The following KLF12 variants were observed in gnomAD, a reference collection of about 807,000 sequenced individuals.
KLF12 encodes Krueppel-like factor 12.
A neutral mutation model predicts 37.8 loss-of-function variants in KLF12; 9 were observed. The observed-to-expected ratio is 0.24, with a 90% CI of 0.14 to 0.42. The LOEUF (loss-of-function observed/expected upper bound fraction) is 0.42, where lower values mean the gene tolerates loss of function less well. KLF12 is among the 10% of genes least tolerant of loss of function. The pLI, the probability that KLF12 is intolerant of heterozygous loss-of-function variation, is 1.00. For synonymous variants in KLF12, 208 were observed against 202.1 expected (o/e 1.03, Z -0.25); for missense variants, 411 against 516.0 (o/e 0.80, Z 1.97).
the KLF12 span, chr13:74,258,154 ACTGTGTTT>A: frequency 7.8e-6 from 1 of 127,588 alleles, no homozygotes; most frequent in Non-Finnish European, 1.7e-5. Flanking sequence ...TTGGTCTATT[ACTGTGTTT>A]GTGTGTGTGT....
chr13:73,996,759 C>T (rs939452302), intron 1 of KLF12, among the ~76,000 whole-genome samples: 1 of 152,138 alleles, frequency 6.6e-6, no homozygotes, highest in Non-Finnish European at 1.5e-5. Flanking sequence ...ACACAAAGAG[C>T]CTCCAATCAG....
intron 3 of KLF12, among the ~76,000 whole-genome samples, chr13:73,855,436 G>C (rs1407108658): frequency 6.6e-6 from 1 of 152,180 alleles, no homozygotes; most frequent in Non-Finnish European, 1.5e-5. Flanking sequence ...TTGTGTGTGT[G>C]TGTGGCTGCA....
At chr13:73,858,780 G>T (rs2138782816) in intron 3 of KLF12, among the ~76,000 whole-genome samples, 1 of 152,228 alleles carries the variant, frequency 6.6e-6, no homozygotes, top group South Asian at 2.1e-4. Flanking sequence ...GAAAAGTAAT[G>T]GGGAAAGTTT....
chr13:74,156,394 A>G, the KLF12 span, among the ~76,000 whole-genome samples: 2 of 152,164 alleles, frequency 1.3e-5, no homozygotes, highest in Non-Finnish European at 2.9e-5. Flanking sequence ...AGTTTATGGT[A>G]TAAAATGTAG....
At chr13:74,198,756 G>T in the KLF12 span, among the ~76,000 whole-genome samples, 1 of 152,166 alleles carries the variant, frequency 6.6e-6, no homozygotes, top group Non-Finnish European at 1.5e-5. Flanking sequence ...CTTACAAGTG[G>T]CTGAGAGAGG....
the KLF12 span, among the ~76,000 whole-genome samples, chr13:74,189,985 A>G: frequency 6.6e-6 from 1 of 152,198 alleles, no homozygotes; most frequent in African/African-American, 2.4e-5. Context: ...ACGTTATTTA[A>G]CTACTACAAT....
rs191371861 is a variant in KLF12, at chr13:73,693,409, G to A, written c.*2081C>T. On this transcript the variant is annotated 3_prime_UTR_variant, in exon 8 of 8. Coordinates refer to ENST00000377669, the MANE Select transcript of KLF12 (RefSeq NM_007249.5). Reference sequence around the variant, plus strand: ...ATCACTAGAACTGCAGCCCTTGTTGGAGGGAAATTGCTTGATGAATTTTTG... The same window carrying A: ...ATCACTAGAACTGCAGCCCTTGTTGAAGGGAAATTGCTTGATGAATTTTTG... The A allele has an allele frequency of 3.9e-5, 6 of 152,336 alleles. No homozygotes were observed. The East Asian group carries it at 9.6e-4, about 24-fold the overall frequency. The allele number at this position is 152,336 out of a possible 1,614,324, so 9.4% of individuals were successfully genotyped here. A position where few individuals can be genotyped will look rare whatever the true frequency, so the allele number is the denominator to read the frequency against.
At chr13:74,269,006 C>G in the KLF12 span, among the ~76,000 whole-genome samples, 1 of 152,022 alleles carries the variant, frequency 6.6e-6, no homozygotes, top group African/African-American at 2.4e-5. Flanking sequence ...TCAACTGAGA[C>G]GAAAGTGGGG....
chr13:74,056,882 C>T lies in KLF12; in HGVS notation c.-31-61829G>A, dbSNP rs1179381681. ...ATAAATCTGCATACCTACACACCTCCCTTGTGGGGCCTGGTAAAGGAGTGA... is the reference window on the plus strand; with the variant it reads ...ATAAATCTGCATACCTACACACCTCTCTTGTGGGGCCTGGTAAAGGAGTGA... On this transcript the variant is annotated intron_variant, in intron 1 of 7. Transcript: ENST00000377669. Among the ~76,000 whole-genome samples the T allele has an allele frequency of 2.0e-5, 3 of 152,260 alleles. No individual in the cohort carries two copies. In the East Asian group the frequency reaches 5.8e-4, roughly 29 times the overall value.
intron 2 of KLF12, among the ~76,000 whole-genome samples, chr13:73,954,619 C>T (rs1366215435): frequency 6.6e-6 from 1 of 152,198 alleles, no homozygotes; most frequent in Non-Finnish European, 1.5e-5. Context: ...TCATGTCAGA[C>T]ACCTAACAAG....
chr13:73,791,321 AT>A (rs774705192), intron 5 of KLF12, among the ~76,000 whole-genome samples: 3 of 152,226 alleles, frequency 2.0e-5, no homozygotes, highest in Non-Finnish European at 4.4e-5. Context: ...AAATTAGAGC[AT>A]TTTTATAAAA....
chr13:73,831,120 T>C (rs1884133737), intron 4 of KLF12, among the ~76,000 whole-genome samples: 2 of 152,036 alleles, frequency 1.3e-5, no homozygotes, highest in Non-Finnish European at 2.9e-5. Flanking sequence ...TGCCACCTAA[T>C]TTGAGGAATT....
chr13:73,701,030 ATTGTCTTTT>A (rs1253033396), intron 7 of KLF12, among the ~76,000 whole-genome samples: 3 of 152,238 alleles, frequency 2.0e-5, no homozygotes, highest in African/African-American at 7.2e-5. Context: ...AAAGAACAGA[ATTGTCTTTT>A]TTGTCTTCTT....
intron 2 of KLF12, among the ~76,000 whole-genome samples, chr13:73,953,259 T>C (rs976199561): frequency 2.6e-5 from 4 of 151,632 alleles, no homozygotes; most frequent in Non-Finnish European, 4.4e-5. Context: ...TCAAATCATA[T>C]AAAAAAGACT....
At chr13:74,168,501 A>G in the KLF12 span, among the ~76,000 whole-genome samples, 1 of 152,184 alleles carries the variant, frequency 6.6e-6, no homozygotes, top group Non-Finnish European at 1.5e-5. Context: ...GAAATAGTCC[A>G]CTGGTGATAT....
intron 2 of KLF12, among the ~76,000 whole-genome samples, chr13:73,948,267 G>C (rs1286151388): frequency 1.3e-5 from 2 of 152,034 alleles, no homozygotes; most frequent in Non-Finnish European, 2.9e-5. Flanking sequence ...TATCACCCAG[G>C]CTGGAGTGCA....
chr13:73,786,722 TGCAAAAAATAC>T (rs1881372111), intron 5 of KLF12, among the ~76,000 whole-genome samples: 1 of 124,954 alleles, frequency 8.0e-6, no homozygotes, highest in Non-Finnish European at 1.7e-5. Context: ...ACCCCTACTA[TGCAAAAAATAC>T]GAAAAAAATA....
At chr13:74,175,974 C>T in the KLF12 span, among the ~76,000 whole-genome samples, 14 of 152,150 alleles carry the variant, frequency 9.2e-5, no homozygotes, top group South Asian at 4.1e-4. Flanking sequence ...GGGCAGCCTC[C>T]TACTATTCAA....
At chr13:73,939,903 T>C (rs1159115907) in intron 3 of KLF12, among the ~76,000 whole-genome samples, 7 of 152,182 alleles carry the variant, frequency 4.6e-5, no homozygotes, top group East Asian at 1.9e-4. Flanking sequence ...AGGCTCTGTC[T>C]CACCCCTTGC....
Sources: gnomAD v4.1 joint callset for allele counts (sites outside exome capture counted in the v4.1 genomes callset) on GRCh38, gnomAD v4.1.1 for gene constraint, MANE v1.5 for transcripts, NCBI Gene and HGNC (gene_info 2026-07-23, HGNC 2026-07-21) for gene names.